Variants in EPS8L2 observed in about 807,000 individuals in gnomAD.
EPS8L2 encodes the protein EPS8 signaling adaptor L2, also known as epidermal growth factor receptor kinase substrate 8-like protein 2.
EPS8L2 carries 81 observed loss-of-function variants against 99.4 expected under a neutral mutation model. The observed-to-expected ratio is 0.82, with a 90% confidence interval of 0.68 to 0.98. The LOEUF is 0.98. Ranked by LOEUF, EPS8L2 falls within the 50% of genes least tolerant of loss-of-function variation. EPS8L2 has a pLI of 0.00. For synonymous variants in EPS8L2, 509 were observed against 407.3 expected, an observed-to-expected ratio of 1.25 and a Z score of -3.01; for missense variants, 1,155 against 968.8, an observed-to-expected ratio of 1.19 and a Z score of -2.55.
At chr11:723,982 T>C (rs986789198) in intron 15 of EPS8L2, among the ~76,000 whole-genome samples, 18 of 152,146 alleles carry the variant, frequency 1.2e-4, no homozygotes, top group Admixed American at 6.5e-5. Flanking sequence ...TCACCCACAG[T>C]GTCAGCCTGG....
rs1456401070 is a variant in EPS8L2 at position 726,097 on chromosome 11, G to C, written c.1681-1G>C. ...AGCCTAATCGCCCCCCGCCCCCGCA[G>C]GCCGGTCAGAAGTACTGGGGCCCCG... On this transcript the variant is annotated splice_acceptor_variant, in intron 17 of 20. Transcript: ENST00000318562. LOFTEE classifies it high-confidence loss of function. 6.3e-7 allele frequency: 1 copy of C among 1,585,816 alleles called. No individual in the cohort carries two copies. Among genetic ancestry groups the C allele is most frequent in the Admixed American group, 1.7e-5 (1 of 58,374 alleles).
chr11:721,340 AGAG>A lies in EPS8L2; in HGVS notation c.757_759del (p.Glu253del). On this transcript the variant is annotated inframe_deletion, in exon 9 of 21. Coordinates refer to ENST00000318562, the MANE Select transcript of EPS8L2 (RefSeq NM_022772.4). The stretch of plus-strand genomic sequence containing the variant: ...CGCGGGCCGTGCTGGCTCAGAAGAT[AGAG>A]AAGGAGACGGTGGGTGCCCGGGCCC... The A allele has an allele frequency of 6.5e-7, 1 of 1,539,462 alleles. No individual in the cohort carries two copies. Among genetic ancestry groups the A allele is most frequent in the African/African-American group, 1.4e-5 (1 of 72,852 alleles).
At chr11:707,915 T>C (rs1861772964) in intron 1 of EPS8L2, among the ~76,000 whole-genome samples, 1 of 151,972 alleles carries the variant, frequency 6.6e-6, no homozygotes, top group Admixed American at 6.5e-5. Context: ...AAGCAAACAC[T>C]CAGGCTCGCC....
At chr11:716,760 G>T (rs1434190238) in intron 4 of EPS8L2, among the ~76,000 whole-genome samples, 2 of 152,122 alleles carry the variant, frequency 1.3e-5, no homozygotes, top group Non-Finnish European at 2.9e-5. Context: ...GGATTTTCTG[G>T]TTTTATTTTT....
At chr11:722,615 G>A (rs1706655391) in intron 13 of EPS8L2, 58 bp from the exon 14 acceptor site, 6 of 1,609,472 alleles carry the variant, frequency 3.7e-6, no homozygotes, top group Non-Finnish European at 5.1e-6. Flanking sequence ...GCCAGCAAGG[G>A]GGTCCTGGTG....
At chr11:721,836 G>A (rs1405977017) in intron 10 of EPS8L2, 67 bp from the exon 11 acceptor site, 16 of 1,533,216 alleles carry the variant, frequency 1.0e-5, no homozygotes, top group African/African-American at 1.4e-5. Flanking sequence ...TGGGCTGCGT[G>A]GGACAGAAGG....
Position 722,459 on chromosome 11 carries a change from C to T in EPS8L2, c.1118C>T (p.Ser373Phe). The T allele has an allele frequency of 6.2e-7, 1 of 1,613,540 alleles. No individual in the cohort carries two copies. The highest frequency in any genetic ancestry group is 8.5e-7 in the Non-Finnish European group (1 of 1,179,934). ...CGCTCCGTCTCCTGCCCACTGCTCTCCCGAGATGCCGTGGACTTCCTGCGC... is the reference window on the plus strand; with the variant it reads ...CGCTCCGTCTCCTGCCCACTGCTCTTCCGAGATGCCGTGGACTTCCTGCGC... ...IARSVSCPLL[S>F]RDAVDFLRGH... Residue 373 changes from serine to phenylalanine, a missense_variant, in exon 13 of 21, where the codon TCC (serine) becomes TTC (phenylalanine). Ser to Phe is a radical substitution (Grantham distance 155). Coordinates refer to ENST00000318562, the MANE Select transcript of EPS8L2 (RefSeq NM_022772.4).
rs1299754703 is a variant in EPS8L2, at chr11:726,501, G to A, written c.1934+17G>A. ...CAGCCCGCGGTGAGCGGGGGCGGGGGATGAGCTGGGGCCCGGGCGAGGGGT... is the reference window on the plus strand; with the variant it reads ...CAGCCCGCGGTGAGCGGGGGCGGGGAATGAGCTGGGGCCCGGGCGAGGGGT... On this transcript the variant is annotated intron_variant, in intron 19 of 20. Transcript: ENST00000318562. 3.3e-6 allele frequency: 5 copies of A among 1,536,680 alleles called. No individual in the cohort carries two copies. Among genetic ancestry groups the A allele is most frequent in the Admixed American group, 4.0e-5 (2 of 49,880 alleles).
chr11:721,681 G>T lies in EPS8L2; in HGVS notation c.885G>T (p.Lys295Asn). The T allele has an allele frequency of 6.3e-7, 1 of 1,594,862 alleles. No homozygotes were observed. ...AAAAGGGGAAGAAGAAGGGCAAGAA[G>T]GCGCCAGCAGGTGCAGGGGACAGGG... ...QRKKGKKKGK[K>N]APAEGVLTLR... is the part of the protein sequence containing the mutation. The change falls in exon 10 of 21, where the codon AAG becomes AAT. Residue 295 changes from lysine to asparagine, a missense_variant. Coordinates refer to ENST00000318562, the MANE Select transcript of EPS8L2 (RefSeq NM_022772.4).
chr11:710,214 C>T (rs1396294885), intron 3 of EPS8L2: 7 of 569,900 alleles, frequency 1.2e-5, no homozygotes, highest in Non-Finnish European at 1.9e-5. Flanking sequence ...CTCCGAGCTG[C>T]GTCCTTCTCC....
chr11:725,731 C>T lies in EPS8L2; in HGVS notation c.1564C>T (p.Leu522=). 7.5e-7 allele frequency: 1 copy of T among 1,327,460 alleles called. No individual in the cohort carries two copies. The allele number at this position is 1,327,460 out of a possible 1,614,324, so 82.2% of individuals were successfully genotyped here. ...GGGCTGACGGCGCGCCCCGCAGGTG[C>T]TGGAGGACGGCCGGCAGTGGTGGAA... ...SVLKDEVLEV[L]EDGRQWWKLR... Residue 522 remains leucine, a synonymous_variant, in exon 17 of 21, where the codon CTG becomes TTG. Transcript: ENST00000318562.
At position 720,601 on chromosome 11, in the gene EPS8L2, A is replaced by G; in HGVS notation, c.332A>G (p.Glu111Gly). 1 of 1,599,564 alleles carries G rather than the reference A, an allele frequency of 6.3e-7. No homozygotes were observed. Among genetic ancestry groups the G allele is most frequent in the East Asian group, 2.3e-5 (1 of 44,324 alleles). Residue 111 changes from glutamate (E) to glycine (G), a missense_variant, in exon 6 of 21, where the codon GAG (glutamate) becomes GGG (glycine). Coordinates refer to ENST00000318562, the MANE Select transcript of EPS8L2 (RefSeq NM_022772.4). ...LRLLDIESQE[E>G]LEDFPLPTVQ... ...GTCCGCGCGATGTACCCGCAGGAGG[A>G]GCTGGAAGACTTCCCGCTGCCCACG...
chr11:714,896 A>G (rs1590049274), intron 4 of EPS8L2, among the ~76,000 whole-genome samples: 1 of 151,898 alleles, frequency 6.6e-6, no homozygotes, highest in South Asian at 2.1e-4. Flanking sequence ...TGGCAGGGTT[A>G]TGTTGGTTTT....
At position 726,728 on chromosome 11, in the gene EPS8L2, A is replaced by T. The variant is rs368622557; in HGVS notation, c.2044A>T (p.Thr682Ser). The change falls in exon 20 of 21, where the codon ACC becomes TCC. Residue 682 changes from threonine (T) to serine (S), a missense_variant. Transcript: ENST00000318562. ...EEGVRVYSQL[T>S]MQKAFLEKQQ... ...GGGCGTCCGCGTGTACAGCCAGCTC[A>T]CCATGCAGAAGGCCTTCCTGGAGGT... 130 of 1,594,682 alleles carry T rather than the reference A, an allele frequency of 8.2e-5. No homozygotes were observed. Among genetic ancestry groups the T allele is most frequent in the Non-Finnish European group, 1.1e-4 (127 of 1,172,524 alleles).
At chr11:715,204 T>G (rs187724128) in intron 4 of EPS8L2, among the ~76,000 whole-genome samples, 1 of 151,356 alleles carries the variant, frequency 6.6e-6, no homozygotes, top group African/African-American at 2.4e-5. Flanking sequence ...ATTGCGCCAC[T>G]GCACTCCAGC....
At chr11:713,938 A>G (rs950497374) in intron 4 of EPS8L2, among the ~76,000 whole-genome samples, 2 of 152,166 alleles carry the variant, frequency 1.3e-5, no homozygotes, top group African/African-American at 2.4e-5. Context: ...TGTTTTCACT[A>G]TGTTGGCCAG....
intron 4 of EPS8L2, among the ~76,000 whole-genome samples, chr11:716,137 T>C (rs1466316478): frequency 4.0e-5 from 6 of 149,994 alleles, no homozygotes. Flanking sequence ...CATGCCTGGC[T>C]AATTTTTGTG....
Position 720,752 on chromosome 11 carries a change from G to C in EPS8L2, c.477+6G>C. ...TCCACTGCGATGAGGTGGAGGTGAG[G>C]CGGTGCCGGGCGGGGCAGGGTGGGG... On this transcript the variant is annotated splice_donor_region_variant and intron_variant, in intron 6 of 20. Transcript: ENST00000318562. The C allele has an allele frequency of 6.5e-7, 1 of 1,543,488 alleles. No individual in the cohort carries two copies. The highest frequency in any genetic ancestry group is 8.7e-7 in the Non-Finnish European group (1 of 1,144,834).
At position 709,309 on chromosome 11, in the gene EPS8L2, G is replaced by A. The variant is rs1054797289; in HGVS notation, c.-78-21G>A. 1.5e-5 allele frequency: 21 copies of A among 1,383,902 alleles called. No homozygotes were observed. In the South Asian group the frequency reaches 1.6e-4, roughly 11 times the overall value. 85.7% of individuals were successfully genotyped at this position (1,383,902 alleles called of 1,614,324 possible). On this transcript the variant is annotated intron_variant, in intron 1 of 20. Coordinates refer to ENST00000318562, the MANE Select transcript of EPS8L2 (RefSeq NM_022772.4). The stretch of plus-strand genomic sequence containing the variant: ...CAGCCAGGCCGGAGGAAGTGTCAGC[G>A]CAGCCCTTCTGTCCACCCAGGTGTG...
Sources: allele counts gnomAD v4.1 joint callset (sites outside exome capture counted in the v4.1 genomes callset), GRCh38; gene constraint gnomAD v4.1.1; transcripts MANE v1.5; gene names NCBI Gene and HGNC (gene_info 2026-07-23, HGNC 2026-07-21).